Variants in NRXN3 observed in about 807,000 individuals in gnomAD.
NRXN3 encodes the protein neurexin 3.
A neutral mutation model predicts 137.6 loss-of-function variants in NRXN3; 32 were observed. That is an observed-to-expected ratio of 0.23 (90% CI 0.18 to 0.31). NRXN3 has a LOEUF of 0.31. Ranked by LOEUF, NRXN3 falls within the 10% of genes least tolerant of loss-of-function variation. The pLI is 1.00. For synonymous variants in NRXN3, 798 were observed against 784.5 expected (o/e 1.02, Z -0.29); for missense variants, 1,574 against 2,062.5 (o/e 0.76, Z 4.59).
At chr14:79,069,382 AT>A (rs1342687706) in intron 15 of NRXN3, among the ~76,000 whole-genome samples, 1 of 152,046 alleles carries the variant, frequency 6.6e-6, no homozygotes, top group Non-Finnish European at 1.5e-5. Flanking sequence ...TTCAATAACT[AT>A]TTGCTGATCT....
At chr14:78,997,493 T>C (rs1038889336) in intron 15 of NRXN3, among the ~76,000 whole-genome samples, 1 of 152,214 alleles carries the variant, frequency 6.6e-6, no homozygotes, top group Non-Finnish European at 1.5e-5. Flanking sequence ...TCCAACATAT[T>C]TTTCAACATG....
chr14:79,579,568 T>C (rs1012266275), intron 16 of NRXN3, among the ~76,000 whole-genome samples: 2 of 151,858 alleles, frequency 1.3e-5, no homozygotes, highest in African/African-American at 2.4e-5. Flanking sequence ...ATAGAAGTTA[T>C]TAATTTGAGG....
chr14:78,558,405 AGT>A (rs2096758202), intron 4 of NRXN3, among the ~76,000 whole-genome samples: 1 of 152,196 alleles, frequency 6.6e-6, no homozygotes, highest in Non-Finnish European at 1.5e-5. Context: ...ATCTAAACAA[AGT>A]GTGTTTCTGC....
At chr14:79,063,597 A>C (rs1282615614) in intron 15 of NRXN3, among the ~76,000 whole-genome samples, 1 of 152,160 alleles carries the variant, frequency 6.6e-6, no homozygotes, top group Non-Finnish European at 1.5e-5. Context: ...TGCAGTTCAG[A>C]ACCCATAGGA....
intron 19 of NRXN3, among the ~76,000 whole-genome samples, chr14:79,738,476 C>A (rs371438057): frequency 6.6e-6 from 1 of 152,164 alleles, no homozygotes; most frequent in African/African-American, 2.4e-5. Flanking sequence ...GAATGTGGCC[C>A]TGCTGATGTC....
intron 8 of NRXN3, among the ~76,000 whole-genome samples, chr14:78,770,223 C>G (rs2098722619): frequency 6.6e-6 from 1 of 152,122 alleles, no homozygotes; most frequent in African/African-American, 2.4e-5. Context: ...CCCAGGGTCG[C>G]CCAGCGCTGG....
intron 2 of NRXN3, among the ~76,000 whole-genome samples, chr14:78,270,750 A>G (rs1412451717): frequency 6.6e-6 from 1 of 152,232 alleles, no homozygotes; most frequent in Non-Finnish European, 1.5e-5. Context: ...CTTAATCCTC[A>G]CAATAGTCAT....
At chr14:79,349,318 T>A (rs2093072455) in intron 15 of NRXN3, among the ~76,000 whole-genome samples, 1 of 151,938 alleles carries the variant, frequency 6.6e-6, no homozygotes, top group Non-Finnish European at 1.5e-5. Context: ...TCTATTTAAT[T>A]ATTGATAGAA....
At chr14:78,209,692 C>G (rs2062558923) in intron 1 of NRXN3, among the ~76,000 whole-genome samples, 1 of 152,106 alleles carries the variant, frequency 6.6e-6, no homozygotes, top group African/African-American at 2.4e-5. Flanking sequence ...TCACCTCCCA[C>G]CTGGTCCCTC....
intron 15 of NRXN3, chr14:79,280,571 G>A (rs373660922): frequency 4.4e-6 from 7 of 1,583,182 alleles, no homozygotes; most frequent in Non-Finnish European, 5.2e-6. Flanking sequence ...CTTTTAATGG[G>A]GCATAGCAAT....
chr14:79,491,305 GCTCAGTGAATTA>G (rs1411146352), intron 16 of NRXN3, among the ~76,000 whole-genome samples: 1 of 152,114 alleles, frequency 6.6e-6, no homozygotes, highest in Non-Finnish European at 1.5e-5. Context: ...TACACAATCT[GCTCAGTGAATTA>G]CTCAGCCTCC....
At chr14:78,658,970 A>G (rs2097809491) in intron 6 of NRXN3, among the ~76,000 whole-genome samples, 2 of 152,192 alleles carry the variant, frequency 1.3e-5, no homozygotes, top group Admixed American at 6.5e-5. Context: ...TCAGGAGCTA[A>G]CTATTGGCTT....
intron 15 of NRXN3, among the ~76,000 whole-genome samples, chr14:79,277,714 C>A (rs998750037): frequency 2.0e-5 from 3 of 152,278 alleles, no homozygotes; most frequent in Non-Finnish European, 4.4e-5. Context: ...GCTGTGGTGT[C>A]CCTGAGAGCA....
chr14:78,758,126 TG>T (rs2098677239), intron 8 of NRXN3, among the ~76,000 whole-genome samples: 1 of 152,140 alleles, frequency 6.6e-6, no homozygotes, highest in African/African-American at 2.4e-5. Context: ...AACATAGCCT[TG>T]TGAAGTGGGA....
chr14:79,422,721 A>C (rs10873322), intron 15 of NRXN3, among the ~76,000 whole-genome samples: 1 of 139,680 alleles, frequency 7.2e-6, no homozygotes. Context: ...TTTTTTTGAG[A>C]CGGAATCTTG....
At chr14:79,592,805 A>G (rs933358229) in intron 16 of NRXN3, among the ~76,000 whole-genome samples, 1 of 152,176 alleles carries the variant, frequency 6.6e-6, no homozygotes, top group Admixed American at 6.5e-5. Context: ...ATAAATAATA[A>G]GAATGATTGT....
At chr14:78,201,347 C>T (rs530630768) in intron 1 of NRXN3, among the ~76,000 whole-genome samples, 3 of 152,182 alleles carry the variant, frequency 2.0e-5, no homozygotes, top group Non-Finnish European at 4.4e-5. Flanking sequence ...AAAGGGCAGG[C>T]CCCTAACCCC....
chr14:78,374,894 T>C (rs898894917), intron 4 of NRXN3, among the ~76,000 whole-genome samples: 5 of 152,178 alleles, frequency 3.3e-5, no homozygotes, highest in African/African-American at 9.7e-5. Context: ...CAATCACCAC[T>C]GATTAGTAGT....
chr14:78,752,815 G>A (rs111487887), intron 8 of NRXN3, among the ~76,000 whole-genome samples: 3 of 152,144 alleles, frequency 2.0e-5, no homozygotes, highest in African/African-American at 4.8e-5. Flanking sequence ...GTCATTTCAC[G>A]CAGGGGGTTG....
Sources: allele counts gnomAD v4.1 joint callset (sites outside exome capture counted in the v4.1 genomes callset), GRCh38; gene constraint gnomAD v4.1.1; transcripts MANE v1.5; gene names NCBI Gene and HGNC (gene_info 2026-07-23, HGNC 2026-07-21).